MTSS1: variants seen among roughly 807,000 people sequenced by gnomAD.
MTSS1 encodes the protein protein MTSS 1.
MTSS1 carries 18 observed loss-of-function variants against 79.0 expected under a neutral mutation model. That is an observed-to-expected ratio of 0.23 (90% confidence interval 0.16 to 0.34). The LOEUF is 0.34. Ranked by LOEUF, MTSS1 falls within the 10% of genes least tolerant of loss-of-function variation. The pLI is 1.00. For missense variants in MTSS1, 815 were observed against 986.2 expected, an observed-to-expected ratio of 0.83 and a Z score of 2.33; for synonymous variants, 341 against 368.6, an observed-to-expected ratio of 0.93 and a Z score of 0.86.
intron 3 of MTSS1, among the ~76,000 whole-genome samples, chr8:124,652,806 A>C (rs1820230154): frequency 6.6e-6 from 1 of 151,932 alleles, no homozygotes; most frequent in Non-Finnish European, 1.5e-5. Context: ...AAAAAAAAAA[A>C]AAAAAAACAC....
At chr8:124,629,527 GAAAAGA>G (rs1815469996) in intron 3 of MTSS1, among the ~76,000 whole-genome samples, 3 of 130,228 alleles carry the variant, frequency 2.3e-5, no homozygotes, top group Admixed American at 2.3e-4. Context: ...AAAAAAAAAA[GAAAAGA>G]AAAAGAAAAA....
chr8:124,633,329 A>G (rs111479152), intron 3 of MTSS1, among the ~76,000 whole-genome samples: 16 of 152,326 alleles, frequency 1.1e-4, no homozygotes, highest in Admixed American at 5.9e-4. Context: ...TAGGTTTCTA[A>G]GTGACTCAAT....
At chr8:124,621,285 A>G (rs868576570) in intron 3 of MTSS1, among the ~76,000 whole-genome samples, 2 of 152,242 alleles carry the variant, frequency 1.3e-5, no homozygotes, top group African/African-American at 2.4e-5. Flanking sequence ...ATTCAATTAA[A>G]TATTTAATGG....
chr8:124,699,314 T>C, intron 3 of MTSS1: 1 of 550,690 alleles, frequency 1.8e-6, no homozygotes, highest in South Asian at 2.3e-5. Flanking sequence ...TTCATTTTCT[T>C]CCTTTTTCAT....
intron 3 of MTSS1, among the ~76,000 whole-genome samples, chr8:124,628,445 G>A (rs1815187342): frequency 6.6e-6 from 1 of 152,052 alleles, no homozygotes; most frequent in East Asian, 1.9e-4. Flanking sequence ...CCCAGGGCTG[G>A]CATTTATGAT....
chr8:124,577,779 G>A (rs1829262639), intron 6 of MTSS1, among the ~76,000 whole-genome samples: 1 of 152,074 alleles, frequency 6.6e-6, no homozygotes, highest in African/African-American at 2.4e-5. Flanking sequence ...TCACTCCACT[G>A]ACATCCCTGT....
intron 3 of MTSS1, among the ~76,000 whole-genome samples, chr8:124,658,847 G>C (rs1821476427): frequency 6.6e-6 from 1 of 152,204 alleles, no homozygotes; most frequent in East Asian, 1.9e-4. Context: ...GATTTGGGCA[G>C]GGACACAGAT....
intron 1 of MTSS1, among the ~76,000 whole-genome samples, chr8:124,719,237 G>T (rs1222312309): frequency 6.6e-6 from 1 of 152,160 alleles, no homozygotes; most frequent in Non-Finnish European, 1.5e-5. Context: ...TGTAAAATGG[G>T]AATTATACTA....
intron 3 of MTSS1, among the ~76,000 whole-genome samples, chr8:124,594,140 G>C (rs902796349): frequency 2.0e-5 from 3 of 152,170 alleles, no homozygotes; most frequent in Non-Finnish European, 4.4e-5. Flanking sequence ...CCCCCACTCC[G>C]TTTCTCTGCT....
chr8:124,576,897 G>A (rs922339928), intron 6 of MTSS1, among the ~76,000 whole-genome samples: 1 of 117,606 alleles, frequency 8.5e-6, no homozygotes, highest in Non-Finnish European at 2.0e-5. Flanking sequence ...GAAAATTAAC[G>A]CTAAGAAAAA....
At chr8:124,722,750 C>T (rs550611338) in intron 1 of MTSS1, among the ~76,000 whole-genome samples, 24 of 152,326 alleles carry the variant, frequency 1.6e-4, no homozygotes, top group African/African-American at 5.8e-4. Flanking sequence ...AATCTGTCCT[C>T]TGGCTTTTGT....
chr8:124,583,765 G>A (rs962345328), intron 6 of MTSS1, among the ~76,000 whole-genome samples: 1 of 152,142 alleles, frequency 6.6e-6, no homozygotes, highest in Non-Finnish European at 1.5e-5. Context: ...GTGGAGTTCA[G>A]CCCCGAACTG....
chr8:124,675,541 G>A (rs1000455371), intron 3 of MTSS1, among the ~76,000 whole-genome samples: 2 of 152,178 alleles, frequency 1.3e-5, no homozygotes, highest in South Asian at 2.1e-4. Context: ...TGAAGTGAAC[G>A]ATTCAGAAGC....
intron 1 of MTSS1, among the ~76,000 whole-genome samples, chr8:124,714,135 G>T (rs75629841): frequency 0.012 from 1,880 of 152,308 alleles, 46 homozygotes; most frequent in African/African-American, 0.042. Context: ...TGCATCAGCA[G>T]CCACCTGACA....
intron 3 of MTSS1, among the ~76,000 whole-genome samples, chr8:124,665,867 C>CA (rs61669209): frequency 0.13 from 13,760 of 102,762 alleles, 1,017 homozygotes; most frequent in African/African-American, 0.23. Flanking sequence ...AACTCCTTCT[C>CA]AAAAAAAAAA....
intron 3 of MTSS1, among the ~76,000 whole-genome samples, chr8:124,695,132 AG>A (rs1017788269): frequency 3.9e-5 from 6 of 152,248 alleles, no homozygotes; most frequent in African/African-American, 1.4e-4. Context: ...GTTTTTCCTA[AG>A]TAAATTTTAT....
At chr8:124,567,817 A>G in intron 7 of MTSS1, 1 of 1,522,472 alleles carries the variant, frequency 6.6e-7, no homozygotes, top group Non-Finnish European at 8.8e-7. Context: ...GGCTAAGGGA[A>G]ATGAGCTGGT....
At chr8:124,576,125 G>C (rs554953636) in intron 6 of MTSS1, among the ~76,000 whole-genome samples, 3 of 152,244 alleles carry the variant, frequency 2.0e-5, no homozygotes, top group African/African-American at 7.2e-5. Flanking sequence ...TTATCTAGAA[G>C]CCAAAAAGGC....
intron 10 of MTSS1, 64 bp downstream of exon 10, chr8:124,562,718 G>A: frequency 2.0e-6 from 3 of 1,500,402 alleles, no homozygotes; most frequent in Non-Finnish European, 2.8e-6. Flanking sequence ...CTTTGGTTCT[G>A]GCCACTGACA....
Sources: gnomAD v4.1 joint callset for allele counts (sites outside exome capture counted in the v4.1 genomes callset) on GRCh38, gnomAD v4.1.1 for gene constraint, MANE v1.5 for transcripts, NCBI Gene and HGNC (gene_info 2026-07-23, HGNC 2026-07-21) for gene names.